The following NSMCE2 variants were observed in gnomAD, a reference collection of about 807,000 sequenced individuals.
NSMCE2 encodes E3 SUMO-protein ligase NSE2.
Under a neutral mutation model 23.8 loss-of-function variants are expected in NSMCE2, and 24 were observed. The ratio of observed to expected loss-of-function variants is 1.01; its 90% CI spans 0.73 to 1.42. NSMCE2 has a LOEUF of 1.42. Among genes scored for constraint, NSMCE2 ranks in the 40% most tolerant of loss-of-function variants. NSMCE2 has a pLI of 0.00. For missense variants in NSMCE2, 284 were observed against 296.5 expected, an observed-to-expected ratio of 0.96 and a Z score of 0.31; for synonymous variants, 92 against 94.1, an observed-to-expected ratio of 0.98 and a Z score of 0.13.
At chr8:125,333,505 C>CTTTTTTTTTTTTTTTTTTTTTTTT (rs71295847) in intron 5 of NSMCE2, among the ~76,000 whole-genome samples, 1 of 45,638 alleles carries the variant, frequency 2.2e-5, no homozygotes, top group African/African-American at 9.4e-5. Flanking sequence ...CCTGGTGGTT[C>CTTTTTTTTTTTTTTTTTTTTTTTT]TTTTTTTTTT....
intron 5 of NSMCE2, among the ~76,000 whole-genome samples, chr8:125,185,711 T>G (rs1193511294): frequency 6.6e-6 from 1 of 152,180 alleles, no homozygotes; most frequent in Non-Finnish European, 1.5e-5. Context: ...CTAAAAATAT[T>G]AACATATGAA....
intron 5 of NSMCE2, among the ~76,000 whole-genome samples, chr8:125,205,770 A>G (rs1179481545): frequency 1.3e-5 from 2 of 152,192 alleles, no homozygotes; most frequent in African/African-American, 2.4e-5. Flanking sequence ...GGTTGAGAAA[A>G]AATGGTTAGA....
intron 5 of NSMCE2, among the ~76,000 whole-genome samples, chr8:125,350,563 C>G (rs901079943): frequency 3.3e-5 from 5 of 152,170 alleles, no homozygotes; most frequent in African/African-American, 1.2e-4. Flanking sequence ...ACTTAACGTT[C>G]CACATGGCTG....
chr8:125,360,844 T>G (rs1428994660), intron 7 of NSMCE2, among the ~76,000 whole-genome samples: 2 of 152,200 alleles, frequency 1.3e-5, no homozygotes, highest in Non-Finnish European at 2.9e-5. Context: ...TATGTTTGTT[T>G]TTTTAGACTG....
chr8:125,366,106 T>TGA (rs1180953003), intron 7 of NSMCE2, among the ~76,000 whole-genome samples: 1 of 152,116 alleles, frequency 6.6e-6, no homozygotes, highest in East Asian at 1.9e-4. Context: ...AGGCATGCCC[T>TGA]GAGTCCAGCC....
intron 7 of NSMCE2, 82 bp downstream of exon 7, chr8:125,357,900 C>T: frequency 1.1e-6 from 1 of 895,658 alleles, no homozygotes; most frequent in Non-Finnish European, 1.8e-6. Context: ...GAGGAAGAGG[C>T]ACTTCAATGT....
At chr8:125,101,540 T>C (rs538400762) in intron 1 of NSMCE2, among the ~76,000 whole-genome samples, 11 of 152,358 alleles carry the variant, frequency 7.2e-5, no homozygotes, top group African/African-American at 2.6e-4. Context: ...CTCCCATCCC[T>C]TTAAAACTGT....
At chr8:125,256,215 G>A (rs146732810) in intron 5 of NSMCE2, among the ~76,000 whole-genome samples, 7,641 of 151,694 alleles carry the variant, frequency 0.05, 271 homozygotes, top group South Asian at 0.18. Flanking sequence ...CCTGGGAGGC[G>A]GAGGTTGCAG....
intron 5 of NSMCE2, among the ~76,000 whole-genome samples, chr8:125,185,452 G>T (rs985848611): frequency 9.9e-5 from 15 of 152,022 alleles, no homozygotes; most frequent in Non-Finnish European, 2.1e-4. Flanking sequence ...GATTATACGT[G>T]CATGCCACCA....
intron 4 of NSMCE2, among the ~76,000 whole-genome samples, chr8:125,170,361 C>A (rs1367808595): frequency 7.7e-6 from 1 of 129,550 alleles, no homozygotes; most frequent in Non-Finnish European, 1.6e-5. Flanking sequence ...CATCAATAAA[C>A]CTTACTCTTT....
chr8:125,106,787 G>T (rs1439643626), intron 3 of NSMCE2, among the ~76,000 whole-genome samples: 2 of 151,902 alleles, frequency 1.3e-5, no homozygotes. Context: ...CCTGAGTTCA[G>T]GAGTTGGAGA....
At chr8:125,101,013 C>A (rs1400009898) in intron 1 of NSMCE2, among the ~76,000 whole-genome samples, 2 of 152,134 alleles carry the variant, frequency 1.3e-5, no homozygotes, top group Non-Finnish European at 2.9e-5. Flanking sequence ...AAGTGCCTGG[C>A]ACTTAAAGAG....
chr8:125,313,959 A>T (rs1282121646), intron 5 of NSMCE2, among the ~76,000 whole-genome samples: 1 of 152,236 alleles, frequency 6.6e-6, no homozygotes, highest in East Asian at 1.9e-4. Context: ...AAAGCCCTGC[A>T]TGAGCAACTT....
intron 5 of NSMCE2, among the ~76,000 whole-genome samples, chr8:125,245,840 A>G (rs1825941084): frequency 6.6e-6 from 1 of 152,160 alleles, no homozygotes; most frequent in Admixed American, 6.5e-5. Context: ...AGCCTGGCCA[A>G]CATGGTGAAA....
chr8:125,261,856 G>A lies in NSMCE2; in HGVS notation c.418+79600G>A, dbSNP rs111366359. ...TCACGTCTGTAATCCCAGCACTTTG[G>A]GAGGCCAGCATGGTCAGATCACCTG... On this transcript the variant is annotated intron_variant, in intron 5 of 7. Transcript: ENST00000287437. 2.3e-3 allele frequency among the ~76,000 whole-genome samples: 353 copies of A among 152,038 alleles called. 1 individual carries two copies. The highest frequency in any genetic ancestry group is 8.0e-3 in the African/African-American group (334 of 41,512).
chr8:125,106,724 T>C (rs1454655685), intron 3 of NSMCE2, among the ~76,000 whole-genome samples: 6 of 149,294 alleles, frequency 4.0e-5, no homozygotes, highest in African/African-American at 1.2e-4. Context: ...GGCCGGGTGC[T>C]GTGGCTCACA....
chr8:125,168,162 C>T (rs148590752), intron 4 of NSMCE2, among the ~76,000 whole-genome samples: 2,032 of 152,108 alleles, frequency 0.013, 10 homozygotes, highest in Middle Eastern at 0.02. Context: ...GCTGCCTCTT[C>T]CTAAGAGCAT....
intron 3 of NSMCE2, among the ~76,000 whole-genome samples, chr8:125,141,895 G>A (rs1820389518): frequency 6.6e-6 from 1 of 152,160 alleles, no homozygotes; most frequent in Non-Finnish European, 1.5e-5. Context: ...TGTGGTGAGT[G>A]CTCAATAAGC....
chr8:125,337,901 A>AG (rs1830114789), intron 5 of NSMCE2, among the ~76,000 whole-genome samples: 2 of 150,514 alleles, frequency 1.3e-5, no homozygotes, highest in South Asian at 2.1e-4. Flanking sequence ...AAAAAAAAAA[A>AG]AAAAGAAAGA....
Sources: allele counts gnomAD v4.1 joint callset (sites outside exome capture counted in the v4.1 genomes callset), GRCh38; gene constraint gnomAD v4.1.1; transcripts MANE v1.5; gene names NCBI Gene and HGNC (gene_info 2026-07-23, HGNC 2026-07-21).